LRMDA: variants seen among roughly 807,000 people sequenced by gnomAD.
The protein encoded by LRMDA is leucine rich melanocyte differentiation associated.
A neutral mutation model predicts 29.8 loss-of-function variants in LRMDA; 18 were observed. That is an observed-to-expected ratio of 0.60 (90% CI 0.42 to 0.90). LRMDA has a LOEUF of 0.90. LRMDA is among the 40% of genes least tolerant of loss of function. The pLI, the probability that LRMDA is intolerant of heterozygous loss-of-function variation, is 0.00. For synonymous variants in LRMDA, 125 were observed against 109.4 expected, an observed-to-expected ratio of 1.14 and a Z score of -0.89; for missense variants, 273 against 273.9, an observed-to-expected ratio of 1.00 and a Z score of 0.02.
rs984865266 is a variant in LRMDA at position 75,729,005 on chromosome 10, A to G, written c.131+290511A>G. Among the ~76,000 whole-genome samples, 3 of 152,234 alleles carry G rather than the reference A, an allele frequency of 2.0e-5. No homozygotes were observed. The South Asian group carries it at 6.2e-4, about 32-fold the overall frequency. On this transcript the variant is annotated intron_variant, in intron 2 of 6. Coordinates refer to ENST00000611255, the MANE Select transcript of LRMDA (RefSeq NM_001305581.2). ...TATTAGCCTCCTGCTCATCACCTTC[A>G]GGTCCAAGCTAAAAGGCTGCCTTCT...
At chr10:76,127,124 T>G (rs909267279) in intron 5 of LRMDA, among the ~76,000 whole-genome samples, 14 of 152,218 alleles carry the variant, frequency 9.2e-5, no homozygotes, top group Admixed American at 2.6e-4. Flanking sequence ...ATCAGGATCC[T>G]GTATGCCTGC....
At chr10:75,941,471 A>T (rs1438449056) in intron 2 of LRMDA, among the ~76,000 whole-genome samples, 1 of 152,158 alleles carries the variant, frequency 6.6e-6, no homozygotes, top group Non-Finnish European at 1.5e-5. Flanking sequence ...GAGGCTTCTT[A>T]GCTGTTGGTG....
At chr10:76,431,408 A>C (rs1236414796) in intron 6 of LRMDA, among the ~76,000 whole-genome samples, 1 of 152,196 alleles carries the variant, frequency 6.6e-6, no homozygotes, top group Non-Finnish European at 1.5e-5. Context: ...GGGTGACGAC[A>C]GTGTTAAAAG....
At chr10:75,985,626 C>G (rs1250461612) in intron 2 of LRMDA, among the ~76,000 whole-genome samples, 1 of 152,192 alleles carries the variant, frequency 6.6e-6, no homozygotes, top group East Asian at 1.9e-4. Flanking sequence ...GGGCCACATA[C>G]CCACCAACCT....
chr10:75,465,337 G>A (rs192017529), intron 2 of LRMDA, among the ~76,000 whole-genome samples: 97 of 152,246 alleles, frequency 6.4e-4, no homozygotes, highest in African/African-American at 1.7e-3. Context: ...TCTTCTGTTC[G>A]CCTTCTAAAA....
chr10:76,132,534 A>G (rs1850011814), intron 5 of LRMDA, among the ~76,000 whole-genome samples: 1 of 152,220 alleles, frequency 6.6e-6, no homozygotes, highest in African/African-American at 2.4e-5. Context: ...TATAAATTAT[A>G]TTGTCATTCT....
At chr10:76,099,767 A>G (rs1302080404) in intron 5 of LRMDA, among the ~76,000 whole-genome samples, 3 of 152,246 alleles carry the variant, frequency 2.0e-5, no homozygotes, top group Non-Finnish European at 4.4e-5. Flanking sequence ...ATAAACCAAT[A>G]GTAATAATAA....
chr10:75,968,111 G>T (rs1466440448), intron 2 of LRMDA, among the ~76,000 whole-genome samples: 1 of 152,032 alleles, frequency 6.6e-6, no homozygotes, highest in Non-Finnish European at 1.5e-5. Context: ...CAGTGGGAGT[G>T]CTCGCAGCAT....
intron 6 of LRMDA, among the ~76,000 whole-genome samples, chr10:76,473,973 A>G (rs566288751): frequency 6.6e-6 from 1 of 151,748 alleles, no homozygotes; most frequent in Admixed American, 6.6e-5. Flanking sequence ...ATTAAAAGCT[A>G]CAATAATCAA....
intron 5 of LRMDA, among the ~76,000 whole-genome samples, chr10:76,243,954 A>G (rs1450670396): frequency 1.3e-5 from 2 of 152,198 alleles, no homozygotes; most frequent in African/African-American, 2.4e-5. Flanking sequence ...TCGAATGACA[A>G]GTGTCCTTGG....
intron 5 of LRMDA, among the ~76,000 whole-genome samples, chr10:76,095,725 A>G (rs892057285): frequency 5.3e-5 from 8 of 152,330 alleles, no homozygotes; most frequent in Admixed American, 6.5e-5. Flanking sequence ...ATGTGTAATG[A>G]TATCTATGCC....
chr10:75,952,366 A>G (rs960237046), intron 2 of LRMDA, among the ~76,000 whole-genome samples: 9 of 152,242 alleles, frequency 5.9e-5, no homozygotes, highest in Non-Finnish European at 1.0e-4. Flanking sequence ...CAAAAATCAT[A>G]TAAAAAAACT....
chr10:76,325,261 C>T (rs916679943), intron 6 of LRMDA, among the ~76,000 whole-genome samples: 1 of 152,082 alleles, frequency 6.6e-6, no homozygotes, highest in African/African-American at 2.4e-5. Flanking sequence ...TGAATCTGAC[C>T]CTCCAAGTCA....
intron 2 of LRMDA, among the ~76,000 whole-genome samples, chr10:75,873,242 C>T (rs559905259): frequency 6.6e-6 from 1 of 152,242 alleles, no homozygotes; most frequent in African/African-American, 2.4e-5. Context: ...TAGTATAATC[C>T]AATTTACATT....
At chr10:76,029,439 T>C (rs906591062) in intron 2 of LRMDA, among the ~76,000 whole-genome samples, 2 of 152,214 alleles carry the variant, frequency 1.3e-5, no homozygotes, top group African/African-American at 4.8e-5. Context: ...AATTTACCTC[T>C]GAGCTTCCTG....
At chr10:75,495,692 T>C (rs1193771311) in intron 2 of LRMDA, among the ~76,000 whole-genome samples, 4 of 152,202 alleles carry the variant, frequency 2.6e-5, no homozygotes, top group Admixed American at 6.5e-5. Flanking sequence ...CTTTACCTCA[T>C]AGAAGTCCCT....
intron 5 of LRMDA, among the ~76,000 whole-genome samples, chr10:76,296,611 A>G (rs1840414950): frequency 6.6e-6 from 1 of 152,368 alleles, no homozygotes; most frequent in Admixed American, 6.5e-5. Flanking sequence ...TTATTTTTGC[A>G]TATGGATCAA....
chr10:76,130,078 TATA>T (rs1286066550), intron 5 of LRMDA, among the ~76,000 whole-genome samples: 1 of 151,248 alleles, frequency 6.6e-6, no homozygotes, highest in Non-Finnish European at 1.5e-5. Context: ...TAACTATTAA[TATA>T]ATATCTGAAC....
At chr10:75,584,409 T>C (rs1248764116) in intron 2 of LRMDA, among the ~76,000 whole-genome samples, 2 of 152,192 alleles carry the variant, frequency 1.3e-5, no homozygotes, top group East Asian at 3.8e-4. Context: ...TTTTTGTGTC[T>C]TTTTCCCCAT....
Sources: gnomAD v4.1 joint callset for allele counts (sites outside exome capture counted in the v4.1 genomes callset) on GRCh38, gnomAD v4.1.1 for gene constraint, MANE v1.5 for transcripts, NCBI Gene and HGNC (gene_info 2026-07-23, HGNC 2026-07-21) for gene names.